FBXW7: variants seen among roughly 807,000 people sequenced by gnomAD.
The protein encoded by FBXW7 is F-box and WD repeat domain containing 7.
In FBXW7, 11 loss-of-function variants were observed where a neutral mutation model predicts 86.3. The observed-to-expected ratio is 0.13, with a 90% CI of 0.08 to 0.21. The LOEUF (loss-of-function observed/expected upper bound fraction) is 0.21, where lower values mean the gene tolerates loss of function less well. Ranked by LOEUF, FBXW7 falls within the 10% of genes least tolerant of loss-of-function variation. FBXW7 has a pLI of 1.00. For synonymous variants in FBXW7, 313 were observed against 297.9 expected, an observed-to-expected ratio of 1.05 and a Z score of -0.52; for missense variants, 488 against 847.4, an observed-to-expected ratio of 0.58 and a Z score of 5.27.
At chr4:152,323,322 A>G in intron 13 of FBXW7, 173 bp from the exon 14 acceptor site, 1 of 763,544 alleles carries the variant, frequency 1.3e-6, no homozygotes, top group Non-Finnish European at 2.0e-6. Flanking sequence ...GATGTAAGAA[A>G]ATCTGGTAGT....
rs925944150 is a variant in FBXW7, at chr4:152,411,845, T to G, written c.-42A>C. 1.3e-6 allele frequency: 2 copies of G among 1,531,964 alleles called. No individual in the cohort carries two copies. The highest frequency in any genetic ancestry group is 1.8e-6 in the Non-Finnish European group (2 of 1,140,312). 94.9% of individuals were successfully genotyped at this position (1,531,964 alleles called of 1,614,324 possible). The stretch of plus-strand genomic sequence containing the variant: ...GCTACTTCTTGGACCTTGGCTAGAC[T>G]ATCAGAAGATGCAAAGGTTTTCACA... On this transcript the variant is annotated 5_prime_UTR_variant, in exon 4 of 14. Transcript: ENST00000281708.
intron 2 of FBXW7, among the ~76,000 whole-genome samples, chr4:152,534,632 C>T (rs1038431324): frequency 6.6e-6 from 1 of 152,134 alleles, no homozygotes; most frequent in Non-Finnish European, 1.5e-5. Context: ...ATACAGATGG[C>T]CTCTGTGCGC....
chr4:152,386,857 G>T (rs1490483270), intron 4 of FBXW7, among the ~76,000 whole-genome samples: 2 of 152,106 alleles, frequency 1.3e-5, no homozygotes, highest in Non-Finnish European at 2.9e-5. Flanking sequence ...AATGTGACAT[G>T]TAATAAAATA....
rs563846971 is a variant in FBXW7, at chr4:152,453,126, G to A, written c.-119-40597C>T. 1.3e-3 allele frequency among the ~76,000 whole-genome samples: 201 copies of A among 152,328 alleles called. 1 individual carries two copies. Among genetic ancestry groups the A allele is most frequent in the Middle Eastern group, 0.01 (3 of 294 alleles). On this transcript the variant is annotated intron_variant, in intron 2 of 13. Transcript: ENST00000281708. Reference sequence around the variant, plus strand: ...TTGAACCTGGGAGGCGGAGGTTGCAGTGAGCCAAGATCGCACCATTGCACT... The same window carrying A: ...TTGAACCTGGGAGGCGGAGGTTGCAATGAGCCAAGATCGCACCATTGCACT...
intron 2 of FBXW7, among the ~76,000 whole-genome samples, chr4:152,523,019 T>C (rs1240737809): frequency 6.6e-6 from 1 of 152,230 alleles, no homozygotes; most frequent in Non-Finnish European, 1.5e-5. Context: ...AAACTAAAAC[T>C]ACCACCAAGT....
chr4:152,521,809 ATTTTTTTTT>A (rs575881137), intron 2 of FBXW7, among the ~76,000 whole-genome samples: 1 of 100,694 alleles, frequency 9.9e-6, no homozygotes, highest in Non-Finnish European at 1.9e-5. Context: ...TAAGGGTCCA[ATTTTTTTTT>A]TTTTTTTTTT....
chr4:152,458,265 G>A (rs556418201), intron 2 of FBXW7, among the ~76,000 whole-genome samples: 4 of 152,252 alleles, frequency 2.6e-5, no homozygotes, highest in African/African-American at 4.8e-5. Context: ...TGATCCGCCC[G>A]CCTCAGCCTC....
chr4:152,397,695 C>CAAAAAAAAAAAAA (rs397995836), intron 4 of FBXW7, among the ~76,000 whole-genome samples: 3 of 60,406 alleles, frequency 5.0e-5, no homozygotes, highest in African/African-American at 1.7e-4. Context: ...CCTAAGAAGC[C>CAAAAAAAAAAAAA]AAAAAAAAAA....
chr4:152,494,425 T>C (rs952350782), intron 2 of FBXW7, among the ~76,000 whole-genome samples: 1 of 152,236 alleles, frequency 6.6e-6, no homozygotes, highest in East Asian at 1.9e-4. Context: ...ATGCAGTGGA[T>C]TCCCATGCAG....
At chr4:152,364,924 A>G (rs1733327040) in intron 4 of FBXW7, among the ~76,000 whole-genome samples, 1 of 152,186 alleles carries the variant, frequency 6.6e-6, no homozygotes, top group African/African-American at 2.4e-5. Context: ...ACTCCCATTC[A>G]TTCAATATAA....
At chr4:152,344,533 G>GTT (rs11354395) in intron 6 of FBXW7, among the ~76,000 whole-genome samples, 20 of 142,778 alleles carry the variant, frequency 1.4e-4, no homozygotes, top group Admixed American at 2.8e-4. Flanking sequence ...ATTGAATACA[G>GTT]TTTTTTTTTT....
chr4:152,512,001 T>A (rs1042643413), intron 2 of FBXW7, among the ~76,000 whole-genome samples: 1 of 152,152 alleles, frequency 6.6e-6, no homozygotes, highest in African/African-American at 2.4e-5. Context: ...AGAAAATCAA[T>A]GATTTGAATG....
At chr4:152,464,903 A>G (rs1743266661) in intron 2 of FBXW7, among the ~76,000 whole-genome samples, 1 of 152,230 alleles carries the variant, frequency 6.6e-6, no homozygotes, top group African/African-American at 2.4e-5. Context: ...AGGGGTCAGT[A>G]TTACTGTTCA....
intron 6 of FBXW7, among the ~76,000 whole-genome samples, chr4:152,339,900 G>A (rs1337193972): frequency 2.8e-5 from 4 of 142,470 alleles, no homozygotes; most frequent in Admixed American, 2.2e-4. Flanking sequence ...TCCAGCCTAG[G>A]TGACAGAGCG....
chr4:152,461,083 A>C (rs1039577686), intron 2 of FBXW7, among the ~76,000 whole-genome samples: 5 of 152,120 alleles, frequency 3.3e-5, no homozygotes, highest in Non-Finnish European at 7.4e-5. Flanking sequence ...GAGGGAGTTC[A>C]AGACCAGCCT....
intron 2 of FBXW7, among the ~76,000 whole-genome samples, chr4:152,511,291 C>T (rs560926805): frequency 3.4e-5 from 5 of 149,016 alleles, no homozygotes; most frequent in Admixed American, 1.4e-4. Context: ...CACAGCCCCC[C>T]GCCCCCCCCA....
intron 2 of FBXW7, among the ~76,000 whole-genome samples, chr4:152,531,737 T>C (rs1441588774): frequency 6.6e-6 from 1 of 152,144 alleles, no homozygotes; most frequent in Non-Finnish European, 1.5e-5. Flanking sequence ...CGTAGGATAA[T>C]AATGCACAGT....
chr4:152,442,379 A>T (rs1367282906), intron 2 of FBXW7, among the ~76,000 whole-genome samples: 28 of 152,212 alleles, frequency 1.8e-4, no homozygotes, highest in Admixed American at 1.8e-3. Flanking sequence ...CTCTTCCAAG[A>T]TGGCTTCCCA....
rs1728803189 is a variant in FBXW7, at chr4:152,324,214, T to G, written c.1825A>C (p.Lys609Gln). The change falls in exon 13 of 14, where the codon AAA becomes CAA. Residue 609 changes from lysine (K) to glutamine (Q), a missense_variant. Around this residue, in one of 4 missense-constraint regions of FBXW7, gnomAD observed 142 missense variants for 406.6 expected, o/e 0.35. Coordinates refer to ENST00000281708, the MANE Select transcript of FBXW7 (RefSeq NM_001349798.2). ...ADSTVKIWDIKTGQCLQTLQG... is the reference protein window; with the variant it reads ...ADSTVKIWDIQTGQCLQTLQG... ...AATGTTTGTAAACACTGTCCTGTTT[T>G]GATATCCCAGATTTTAACTGTAGAA... 1 of 1,612,256 alleles carries G rather than the reference T, an allele frequency of 6.2e-7. No homozygotes were observed. Among genetic ancestry groups the G allele is most frequent in the African/African-American group, 1.3e-5 (1 of 74,834 alleles).
Sources: allele counts gnomAD v4.1 joint callset (sites outside exome capture counted in the v4.1 genomes callset), GRCh38; gene constraint gnomAD v4.1.1; regional missense constraint gnomAD v4.1.1; transcripts MANE v1.5; gene names NCBI Gene and HGNC (gene_info 2026-07-23, HGNC 2026-07-21).